Variants in GRID2 observed in about 807,000 individuals in gnomAD.
The protein encoded by GRID2 is glutamate ionotropic receptor delta type subunit 2.
A neutral mutation model predicts 114.8 loss-of-function variants in GRID2; 33 were observed. The ratio of observed to expected loss-of-function variants is 0.29; its 90% CI spans 0.22 to 0.38. The LOEUF is 0.38. GRID2 is among the 10% of genes least tolerant of loss of function. GRID2 has a pLI of 1.00. For synonymous variants in GRID2, 505 were observed against 449.9 expected, an observed-to-expected ratio of 1.12 and a Z score of -1.55; for missense variants, 1,184 against 1,257.7, an observed-to-expected ratio of 0.94 and a Z score of 0.89.
At chr4:92,812,927 C>T (rs1181599676) in intron 2 of GRID2, among the ~76,000 whole-genome samples, 1 of 152,092 alleles carries the variant, frequency 6.6e-6, no homozygotes, top group Non-Finnish European at 1.5e-5. Flanking sequence ...ATTATCTAAA[C>T]CCCTAGGTAA....
intron 1 of GRID2, among the ~76,000 whole-genome samples, chr4:92,534,696 C>T (rs962529571): frequency 3.3e-5 from 5 of 152,074 alleles, no homozygotes; most frequent in Admixed American, 6.6e-5. Flanking sequence ...CTGTCACAGT[C>T]GTGATTAGGA....
chr4:93,648,530 TGA>T (rs1170050943), intron 14 of GRID2, among the ~76,000 whole-genome samples: 1 of 152,170 alleles, frequency 6.6e-6, no homozygotes, highest in African/African-American at 2.4e-5. Flanking sequence ...ATTTCTTAAA[TGA>T]GAGAATAAAC....
At chr4:92,961,017 G>T (rs1245655572) in intron 2 of GRID2, among the ~76,000 whole-genome samples, 1 of 151,676 alleles carries the variant, frequency 6.6e-6, no homozygotes, top group Admixed American at 6.6e-5. Flanking sequence ...CTGCTTCATA[G>T]GTAGTGCAGG....
intron 2 of GRID2, among the ~76,000 whole-genome samples, chr4:92,786,292 T>A (rs1430920184): frequency 6.6e-6 from 1 of 151,804 alleles, no homozygotes; most frequent in Non-Finnish European, 1.5e-5. Context: ...TACAGTTCCT[T>A]TTTGGGGTTT....
chr4:93,705,038 A>G (rs994552650), intron 14 of GRID2, among the ~76,000 whole-genome samples: 2 of 152,194 alleles, frequency 1.3e-5, no homozygotes, highest in African/African-American at 2.4e-5. Flanking sequence ...ACTAGTCTCC[A>G]TAATGGCTTT....
At chr4:92,533,781 C>G (rs1342728220) in intron 1 of GRID2, among the ~76,000 whole-genome samples, 1 of 152,006 alleles carries the variant, frequency 6.6e-6, no homozygotes, top group Non-Finnish European at 1.5e-5. Flanking sequence ...TCTAAAAAGT[C>G]AAATACTTAA....
intron 6 of GRID2, among the ~76,000 whole-genome samples, chr4:93,223,763 T>C (rs1267181914): frequency 1.3e-5 from 2 of 152,160 alleles, no homozygotes; most frequent in Non-Finnish European, 2.9e-5. Flanking sequence ...TTTGGTATTA[T>C]GTTTTCCAAA....
At chr4:92,876,909 A>T (rs1233645545) in intron 2 of GRID2, among the ~76,000 whole-genome samples, 1 of 152,210 alleles carries the variant, frequency 6.6e-6, no homozygotes, top group African/African-American at 2.4e-5. Flanking sequence ...AACATGGTTG[A>T]ATTGAATTAA....
chr4:93,212,320 A>G (rs957612219), intron 5 of GRID2, among the ~76,000 whole-genome samples: 4 of 152,172 alleles, frequency 2.6e-5, no homozygotes, highest in African/African-American at 7.2e-5. Context: ...GATAGAAATT[A>G]ATGTAGAAAC....
chr4:93,799,254 A>C (rs1289614831), intron 1 of GRID2, among the ~76,000 whole-genome samples: 1 of 152,128 alleles, frequency 6.6e-6, no homozygotes, highest in Non-Finnish European at 1.5e-5. Context: ...GTGACTCTAA[A>C]TTGATTCTTT....
chr4:92,419,425 T>C lies in GRID2; in HGVS notation c.88+114681T>C, dbSNP rs183176934. 2.2e-3 allele frequency among the ~76,000 whole-genome samples: 330 copies of C among 152,228 alleles called. 1 individual carries two copies. The highest frequency in any genetic ancestry group is 3.2e-3 in the Non-Finnish European group (220 of 67,998). Reference sequence around the variant, plus strand: ...GAATAGCCTAAGACTGAGCATCTAATCACAACTGAGTGTCAGTTCTGGTAA... The same window carrying C: ...GAATAGCCTAAGACTGAGCATCTAACCACAACTGAGTGTCAGTTCTGGTAA... On this transcript the variant is annotated intron_variant, in intron 1 of 15. Coordinates refer to ENST00000282020, the MANE Select transcript of GRID2 (RefSeq NM_001510.4).
At chr4:93,382,767 G>A (rs1263582009) in intron 8 of GRID2, among the ~76,000 whole-genome samples, 1 of 151,724 alleles carries the variant, frequency 6.6e-6, no homozygotes, top group Admixed American at 6.6e-5. Context: ...ATTTTTAAAT[G>A]AGCCATTCTT....
At chr4:93,742,350 T>C (rs35439822) in intron 14 of GRID2, among the ~76,000 whole-genome samples, 16,078 of 152,250 alleles carry the variant, frequency 0.11, 1,308 homozygotes, top group East Asian at 0.4. Flanking sequence ...GAGACTGATA[T>C]ATTACTCTCA....
chr4:93,172,000 A>G (rs1738872668), intron 4 of GRID2, among the ~76,000 whole-genome samples: 1 of 152,170 alleles, frequency 6.6e-6, no homozygotes, highest in Admixed American at 6.6e-5. Context: ...TGATTTTCCT[A>G]TTAGTTTACT....
At chr4:92,530,410 C>A (rs779993114) in intron 1 of GRID2, among the ~76,000 whole-genome samples, 4 of 148,552 alleles carry the variant, frequency 2.7e-5, no homozygotes, top group African/African-American at 1.0e-4. Context: ...ATCACCCTAA[C>A]GTTTTCAAGA....
chr4:92,599,208 TG>T (rs940830002), intron 2 of GRID2, among the ~76,000 whole-genome samples: 5 of 152,030 alleles, frequency 3.3e-5, no homozygotes, highest in African/African-American at 1.2e-4. Context: ...TTACCATTTC[TG>T]GGAAGTAGAG....
chr4:92,777,029 T>C (rs912142391), intron 2 of GRID2, among the ~76,000 whole-genome samples: 1 of 151,894 alleles, frequency 6.6e-6, no homozygotes, highest in African/African-American at 2.4e-5. Flanking sequence ...ACTTAAAAAA[T>C]TGAATAAATT....
At chr4:93,234,029 T>G (rs1050233646) in intron 7 of GRID2, among the ~76,000 whole-genome samples, 11 of 152,168 alleles carry the variant, frequency 7.2e-5, no homozygotes, top group African/African-American at 2.7e-4. Flanking sequence ...TAAAGCACTA[T>G]GTATCATTTA....
At position 92,926,877 on chromosome 4, in the gene GRID2, A is replaced by G. The variant is rs537112348; in HGVS notation, c.245-158118A>G. Among the ~76,000 whole-genome samples the G allele has an allele frequency of 1.2e-4, 18 of 152,016 alleles. No individual in the cohort carries two copies. The South Asian group carries it at 3.5e-3, about 30-fold the overall frequency. On this transcript the variant is annotated intron_variant, in intron 2 of 15. Transcript: ENST00000282020. ...ATTCCCATGATAATGGCATTAATCC[A>G]TTCATAAGGGCAGAGTCCTCATAAC...
Sources: gnomAD v4.1 joint callset for allele counts (sites outside exome capture counted in the v4.1 genomes callset) on GRCh38, gnomAD v4.1.1 for gene constraint, MANE v1.5 for transcripts, NCBI Gene and HGNC (gene_info 2026-07-23, HGNC 2026-07-21) for gene names.